GPC6: variants seen among roughly 807,000 people sequenced by gnomAD.
The protein encoded by GPC6 is glypican 6, also known as glypican-6.
A neutral mutation model predicts 55.2 loss-of-function variants in GPC6; 14 were observed. The observed-to-expected ratio is 0.25, with a 90% CI of 0.17 to 0.40. The LOEUF is 0.40. Ranked by LOEUF, GPC6 falls within the 10% of genes least tolerant of loss-of-function variation. GPC6 has a pLI of 1.00. For synonymous variants in GPC6, 278 were observed against 259.6 expected (o/e 1.07, Z -0.68); for missense variants, 641 against 708.5 (o/e 0.90, Z 1.08).
chr13:93,335,767 C>T (rs576982430), intron 1 of GPC6, among the ~76,000 whole-genome samples: 4 of 152,254 alleles, frequency 2.6e-5, no homozygotes, highest in Admixed American at 2.6e-4. Context: ...GAGTTTCTGA[C>T]CTTTGCCTTT....
At chr13:93,995,695 A>G (rs938867518) in intron 3 of GPC6, among the ~76,000 whole-genome samples, 1 of 152,218 alleles carries the variant, frequency 6.6e-6, no homozygotes, top group African/African-American at 2.4e-5. Context: ...TAGTTACATA[A>G]TGATGGCATA....
At chr13:93,832,122 A>AATATATATAT (rs71126419) in intron 3 of GPC6, among the ~76,000 whole-genome samples, 244 of 12,030 alleles carry the variant, frequency 0.02, 10 homozygotes, top group African/African-American at 0.066. Context: ...AAAAAAAAAA[A>AATATATATAT]ATATATATAT....
intron 3 of GPC6, among the ~76,000 whole-genome samples, chr13:93,964,683 C>A (rs1279136246): frequency 6.6e-6 from 1 of 152,122 alleles, no homozygotes; most frequent in African/African-American, 2.4e-5. Flanking sequence ...TTATTCCTGA[C>A]CAGTCTTCCA....
At chr13:93,765,308 T>TTCCAGATAAGCTGTCTGGAC in intron 2 of GPC6, among the ~76,000 whole-genome samples, 1 of 148,686 alleles carries the variant, frequency 6.7e-6, no homozygotes, top group Non-Finnish European at 1.5e-5. Context: ...AAAGACAACT[T>TTCCAGATAAGCTGTCTGGAC]ATTTGGTTTA....
chr13:94,190,297 G>C (rs1889348345), intron 4 of GPC6, among the ~76,000 whole-genome samples: 1 of 143,474 alleles, frequency 7.0e-6, no homozygotes, highest in Admixed American at 7.2e-5. Context: ...TCCAGCCAGA[G>C]AGCAAGACTC....
intron 1 of GPC6, among the ~76,000 whole-genome samples, chr13:93,246,731 G>A (rs1876614088): frequency 7.3e-6 from 1 of 136,390 alleles, no homozygotes. Flanking sequence ...GGCGGAGCTT[G>A]CAGTGAGCCG....
chr13:94,299,986 A>G (rs1875556119), intron 5 of GPC6, among the ~76,000 whole-genome samples: 1 of 152,192 alleles, frequency 6.6e-6, no homozygotes. Context: ...TAAATAAAAC[A>G]TTACCCTTAA....
chr13:93,318,082 A>G (rs954237271), intron 1 of GPC6, among the ~76,000 whole-genome samples: 1 of 152,212 alleles, frequency 6.6e-6, no homozygotes, highest in Non-Finnish European at 1.5e-5. Flanking sequence ...TTTCTGATGG[A>G]TGCCAAAGAC....
intron 2 of GPC6, among the ~76,000 whole-genome samples, chr13:93,803,741 T>C (rs1886453535): frequency 6.6e-6 from 1 of 152,218 alleles, no homozygotes; most frequent in Admixed American, 6.5e-5. Context: ...CAGTGGAATA[T>C]TATTTAGTCA....
At chr13:93,696,222 G>T (rs1008516099) in intron 2 of GPC6, among the ~76,000 whole-genome samples, 3 of 152,070 alleles carry the variant, frequency 2.0e-5, no homozygotes, top group Non-Finnish European at 4.4e-5. Flanking sequence ...TGGTAAATGT[G>T]CTTGATAAGA....
chr13:93,581,887 A>G (rs992357363), intron 2 of GPC6, among the ~76,000 whole-genome samples: 12 of 152,138 alleles, frequency 7.9e-5, no homozygotes, highest in Admixed American at 3.9e-4. Context: ...AGGCATATCA[A>G]TTCTAGAAGA....
intron 6 of GPC6, among the ~76,000 whole-genome samples, chr13:94,366,761 A>G (rs1036483913): frequency 1.3e-5 from 2 of 152,210 alleles, no homozygotes; most frequent in Non-Finnish European, 2.9e-5. Flanking sequence ...GCCACCAAGG[A>G]GAATAGAGCT....
rs114831294 is a variant in GPC6, at chr13:93,684,037, G to A, written c.319+138616G>A. 5.6e-3 allele frequency among the ~76,000 whole-genome samples: 853 copies of A among 152,148 alleles called. 8 individuals carry two copies. The highest frequency in any genetic ancestry group is 0.019 in the African/African-American group (779 of 41,508). On this transcript the variant is annotated intron_variant, in intron 2 of 8. Transcript: ENST00000377047. ...TACCATTGATGAGGGCTCCATTCTC[G>A]TGACCTCATCTAATGCTATACTCCT...
At chr13:94,207,718 G>A (rs1044113467) in intron 4 of GPC6, among the ~76,000 whole-genome samples, 1 of 152,150 alleles carries the variant, frequency 6.6e-6, no homozygotes, top group African/African-American at 2.4e-5. Flanking sequence ...ATGATTGTGG[G>A]GAAGGAGCAC....
intron 4 of GPC6, among the ~76,000 whole-genome samples, chr13:94,283,952 A>G (rs1401150848): frequency 1.3e-5 from 2 of 152,200 alleles, no homozygotes; most frequent in Non-Finnish European, 2.9e-5. Context: ...AAACTTACCA[A>G]CTACTGCCTT....
intron 3 of GPC6, among the ~76,000 whole-genome samples, chr13:93,923,937 G>A (rs564211541): frequency 4.6e-5 from 7 of 152,256 alleles, no homozygotes; most frequent in African/African-American, 1.7e-4. Flanking sequence ...AAGTGATGTA[G>A]CTTCAAATCC....
intron 1 of GPC6, among the ~76,000 whole-genome samples, chr13:93,496,470 C>G (rs1880287879): frequency 6.6e-6 from 1 of 152,218 alleles, no homozygotes; most frequent in Non-Finnish European, 1.5e-5. Context: ...AATCACCCGT[C>G]TTCTGCGTCG....
chr13:93,417,184 T>C (rs1387964195), intron 1 of GPC6, among the ~76,000 whole-genome samples: 2 of 152,180 alleles, frequency 1.3e-5, no homozygotes, highest in Non-Finnish European at 2.9e-5. Context: ...ATTTCACTTA[T>C]ATGTATGGCT....
chr13:93,288,184 A>G (rs997774198), intron 1 of GPC6, among the ~76,000 whole-genome samples: 11 of 152,196 alleles, frequency 7.2e-5, no homozygotes, highest in African/African-American at 2.4e-4. Flanking sequence ...AACTCTCCAA[A>G]ATAAGACAAT....
Sources: gnomAD v4.1 joint callset for allele counts (sites outside exome capture counted in the v4.1 genomes callset) on GRCh38, gnomAD v4.1.1 for gene constraint, MANE v1.5 for transcripts, NCBI Gene and HGNC (gene_info 2026-07-23, HGNC 2026-07-21) for gene names.